The following EXOC6B variants were observed in gnomAD, a reference collection of about 807,000 sequenced individuals.
The protein encoded by EXOC6B is SEC15 homolog B.
Under a neutral mutation model 113.5 loss-of-function variants are expected in EXOC6B, and 54 were observed. The ratio of observed to expected loss-of-function variants is 0.48; its 90% confidence interval spans 0.38 to 0.60. The LOEUF is 0.60. EXOC6B is among the 20% of genes least tolerant of loss of function. EXOC6B has a pLI of 0.00. For missense variants in EXOC6B, 797 were observed against 977.5 expected, an observed-to-expected ratio of 0.82 and a Z score of 2.46; for synonymous variants, 357 against 339.0, an observed-to-expected ratio of 1.05 and a Z score of -0.58.
chr2:72,409,048 T>C (rs1295269330), intron 18 of EXOC6B, among the ~76,000 whole-genome samples: 2 of 152,074 alleles, frequency 1.3e-5, no homozygotes, highest in Non-Finnish European at 2.9e-5. Context: ...CATCAACAAG[T>C]GGGCAAAGGA....
intron 8 of EXOC6B, among the ~76,000 whole-genome samples, chr2:72,539,232 ACTT>A (rs1033794744): frequency 6.6e-6 from 1 of 152,114 alleles, no homozygotes; most frequent in Non-Finnish European, 1.5e-5. Context: ...CATCTAACAT[ACTT>A]CTTCTGCCCT....
At chr2:72,592,892 T>C (rs1706061978) in intron 6 of EXOC6B, among the ~76,000 whole-genome samples, 1 of 152,116 alleles carries the variant, frequency 6.6e-6, no homozygotes, top group Non-Finnish European at 1.5e-5. Context: ...ATAACATGAC[T>C]CTTCGCAGAT....
intron 6 of EXOC6B, among the ~76,000 whole-genome samples, chr2:72,605,871 T>G (rs1670723337): frequency 6.6e-6 from 1 of 152,090 alleles, no homozygotes; most frequent in African/African-American, 2.4e-5. Context: ...CATAACCACC[T>G]TTACCTCAAT....
intron 20 of EXOC6B, among the ~76,000 whole-genome samples, chr2:72,194,597 C>CTCTCTG (rs747161190): frequency 1.0e-4 from 15 of 147,406 alleles, no homozygotes; most frequent in African/African-American, 2.2e-4. Flanking sequence ...CTCTCTCTCT[C>CTCTCTG]TGTGTGTGTG....
At chr2:72,815,216 T>A (rs1410485419) in intron 1 of EXOC6B, among the ~76,000 whole-genome samples, 1 of 150,798 alleles carries the variant, frequency 6.6e-6, no homozygotes, top group African/African-American at 2.4e-5. Context: ...CCGGGCCGGG[T>A]GCGGTGGCTC....
chr2:72,224,899 T>C (rs1020762563), intron 20 of EXOC6B, among the ~76,000 whole-genome samples: 1 of 150,754 alleles, frequency 6.6e-6, no homozygotes, highest in Non-Finnish European at 1.5e-5. Flanking sequence ...TCTATGTGTG[T>C]ATATATATAG....
intron 6 of EXOC6B, among the ~76,000 whole-genome samples, chr2:72,646,752 C>G (rs772701710): frequency 6.6e-5 from 10 of 152,082 alleles, no homozygotes; most frequent in African/African-American, 1.9e-4. Flanking sequence ...ATTCAACAGC[C>G]CTTTATGATA....
chr2:72,528,937 C>T (rs1454361670), intron 8 of EXOC6B, among the ~76,000 whole-genome samples: 1 of 152,002 alleles, frequency 6.6e-6, no homozygotes, highest in Non-Finnish European at 1.5e-5. Context: ...CTTCTTAGTC[C>T]TAGTACTGGA....
intron 19 of EXOC6B, among the ~76,000 whole-genome samples, chr2:72,374,544 T>C (rs946311042): frequency 8.6e-5 from 13 of 151,978 alleles, no homozygotes; most frequent in Non-Finnish European, 1.0e-4. Flanking sequence ...TATCAGAGGC[T>C]GGGAAGCACA....
intron 6 of EXOC6B, among the ~76,000 whole-genome samples, chr2:72,593,399 T>C (rs760614670): frequency 2.4e-4 from 36 of 152,122 alleles, no homozygotes; most frequent in Non-Finnish European, 4.0e-4. Flanking sequence ...ATTGTAGGAC[T>C]GAGTCCTTAA....
intron 18 of EXOC6B, among the ~76,000 whole-genome samples, chr2:72,422,094 A>G (rs950603005): frequency 6.6e-6 from 1 of 152,172 alleles, no homozygotes; most frequent in Non-Finnish European, 1.5e-5. Flanking sequence ...GCAGCCCGCC[A>G]TGCCTGAGCC....
intron 20 of EXOC6B, among the ~76,000 whole-genome samples, chr2:72,209,223 C>CAAAAAAAAAAAAAAAAAAAAAAAAAAAA (rs1170760516): frequency 1.2e-4 from 7 of 57,100 alleles, no homozygotes; most frequent in Admixed American, 2.3e-4. Context: ...AACTCAGTCT[C>CAAAAAAAAAAAAAAAAAAAAAAAAAAAA]AAAAAAAAAA....
chr2:72,682,792 G>A (rs1676803845), intron 6 of EXOC6B, among the ~76,000 whole-genome samples: 1 of 152,116 alleles, frequency 6.6e-6, no homozygotes, highest in East Asian at 1.9e-4. Flanking sequence ...AGGTTAAGAA[G>A]CTATTCCATG....
intron 6 of EXOC6B, among the ~76,000 whole-genome samples, chr2:72,634,559 CAT>C (rs760504044): frequency 2.0e-5 from 3 of 152,258 alleles, no homozygotes; most frequent in East Asian, 3.9e-4. Context: ...TGTCAACAGA[CAT>C]GTGATAGAAT....
chr2:72,506,139 T>C (rs1331120897), intron 11 of EXOC6B, among the ~76,000 whole-genome samples: 4 of 152,044 alleles, frequency 2.6e-5, no homozygotes, highest in Non-Finnish European at 4.4e-5. Context: ...AGATCATGTA[T>C]GCATTATAAA....
intron 11 of EXOC6B, among the ~76,000 whole-genome samples, chr2:72,512,312 C>CAAGGAAGGAAGG: frequency 8.0e-6 from 1 of 125,146 alleles, no homozygotes; most frequent in Non-Finnish European, 1.6e-5. Flanking sequence ...CTTTAAGAAA[C>CAAGGAAGGAAGG]ACGGAAGGAA....
intron 19 of EXOC6B, among the ~76,000 whole-genome samples, chr2:72,373,824 A>AT (rs1268144536): frequency 6.6e-6 from 1 of 152,212 alleles, no homozygotes; most frequent in African/African-American, 2.4e-5. Flanking sequence ...GTGAATGTGA[A>AT]TTAGTATAAC....
At chr2:72,466,571 A>G (rs1698070137) in intron 17 of EXOC6B, among the ~76,000 whole-genome samples, 2 of 152,164 alleles carry the variant, frequency 1.3e-5, no homozygotes, top group African/African-American at 4.8e-5. Context: ...TTTAAAAGCC[A>G]GAATAATTTT....
At chr2:72,281,336 T>A (rs1408452904) in intron 20 of EXOC6B, among the ~76,000 whole-genome samples, 1 of 152,120 alleles carries the variant, frequency 6.6e-6, no homozygotes, top group Non-Finnish European at 1.5e-5. Context: ...TAAAAAGTTA[T>A]CAGACTTATC....
Sources: allele counts gnomAD v4.1 joint callset (sites outside exome capture counted in the v4.1 genomes callset), GRCh38; gene constraint gnomAD v4.1.1; transcripts MANE v1.5; gene names NCBI Gene and HGNC (gene_info 2026-07-23, HGNC 2026-07-21).